PLEKHA6: variants seen among roughly 807,000 people sequenced by gnomAD.
PLEKHA6 encodes pleckstrin homology domain-containing family A member 6.
A neutral mutation model predicts 116.7 loss-of-function variants in PLEKHA6; 60 were observed. The observed-to-expected ratio is 0.51, with a 90% CI of 0.42 to 0.64. PLEKHA6 has a LOEUF of 0.64. PLEKHA6 is among the 30% of genes least tolerant of loss of function. The pLI is 0.00. For missense variants in PLEKHA6, 1,338 were observed against 1,422.7 expected (o/e 0.94, Z 0.96); for synonymous variants, 489 against 556.1 (o/e 0.88, Z 1.70).
At chr1:204,342,036 T>C (rs1217281356) in intron 1 of PLEKHA6, among the ~76,000 whole-genome samples, 1 of 151,840 alleles carries the variant, frequency 6.6e-6, no homozygotes, top group African/African-American at 2.4e-5. Context: ...AAATACAAAA[T>C]TAACCGTGTG....
Position 204,219,582 on chromosome 1 carries a change from G to C in PLEKHA6, c.*3206C>G, listed in dbSNP as rs949452680. 2 of 152,140 alleles carry C rather than the reference G, an allele frequency of 1.3e-5. No individual in the cohort carries two copies. Among genetic ancestry groups the C allele is most frequent in the Non-Finnish European group, 2.9e-5 (2 of 68,024 alleles). The allele number at this position is 152,140 out of a possible 1,614,324, so 9.4% of individuals were successfully genotyped here. A position where few individuals can be genotyped will look rare whatever the true frequency, so the allele number is the denominator to read the frequency against. On this transcript the variant is annotated 3_prime_UTR_variant, in exon 23 of 23. Transcript: ENST00000272203. ...TCTGGGCTCTGTTCATTCAGAGCAG[G>C]ATGTTCTAGGCTGGCGACAGGGTGT...
Position 204,238,960 on chromosome 1 carries a change from A to G in PLEKHA6, c.2409+2415T>C, listed in dbSNP as rs1188207598. Among the ~76,000 whole-genome samples, 1 of 152,228 alleles carries G rather than the reference A, an allele frequency of 6.6e-6. No individual in the cohort carries two copies. The highest frequency in any genetic ancestry group is 1.5e-5 in the Non-Finnish European group (1 of 68,038). ...TATACTGATTCATGGGCTGTAGCCA[A>G]TGGTTTGGCTGGATGGTCAGGGACT... On this transcript the variant is annotated intron_variant, in intron 17 of 22. Transcript: ENST00000272203. The surrounding 1 kb of genome is among the most constrained non-coding windows in gnomAD (Gnocchi z 4.2).
Position 204,244,964 on chromosome 1 carries a change from G to C in PLEKHA6, c.2072C>G (p.Pro691Arg). 1 of 1,468,068 alleles carries C rather than the reference G, an allele frequency of 6.8e-7. No homozygotes were observed. The highest frequency in any genetic ancestry group is 9.0e-7 in the Non-Finnish European group (1 of 1,108,096). 90.9% of individuals were successfully genotyped at this position (1,468,068 alleles called of 1,614,324 possible). Residue 691 changes from proline (P) to arginine (R), a missense_variant, in exon 15 of 23, where the codon CCG (proline) becomes CGG (arginine). Pro to Arg is a moderately radical substitution (Grantham distance 103). Transcript: ENST00000272203. ...GCTGGCAGAGCTGAGGGGGCTGGCC[G>C]GGCTGTTGGAGCTGTAGGTGGCTGA... ...GPSATYSSNS[P>R]ASPLSSASLT...
rs111542519 is a variant in PLEKHA6 at position 204,268,110 on chromosome 1, A to G, written c.207+98T>C. ...ATTCACAGAGACAGCAGGGGGACATACCAAAAAAATACACAGCCTGTCATA... is the reference window on the plus strand; with the variant it reads ...ATTCACAGAGACAGCAGGGGGACATGCCAAAAAAATACACAGCCTGTCATA... On this transcript the variant is annotated intron_variant, in intron 4 of 22. Transcript: ENST00000272203. 2,616 of 698,842 alleles carry G rather than the reference A, an allele frequency of 3.7e-3. 48 individuals carry two copies. The African/African-American group carries it at 0.043, about 11-fold the overall frequency. 43.3% of individuals were successfully genotyped at this position (698,842 alleles called of 1,614,324 possible). A position where few individuals can be genotyped will look rare whatever the true frequency, so the allele number is the denominator to read the frequency against.
intron 1 of PLEKHA6, among the ~76,000 whole-genome samples, chr1:204,358,856 A>C (rs1230505725): frequency 6.6e-6 from 1 of 151,482 alleles, no homozygotes; most frequent in African/African-American, 2.4e-5. Context: ...TGTTGTCTCA[A>C]AGAGCATTTC....
intron 3 of PLEKHA6, among the ~76,000 whole-genome samples, chr1:204,271,234 C>T (rs187664654): frequency 5.1e-4 from 78 of 152,176 alleles, no homozygotes; most frequent in African/African-American, 1.7e-3. Context: ...GATTGGACAC[C>T]CCTTGCCTAA....
At chr1:204,274,280 T>C (rs944577703) in intron 2 of PLEKHA6, among the ~76,000 whole-genome samples, 1 of 152,176 alleles carries the variant, frequency 6.6e-6, no homozygotes, top group African/African-American at 2.4e-5. Flanking sequence ...AGAAATCCTT[T>C]CCTTCTACTT....
chr1:204,323,220 C>T (rs56050747), intron 1 of PLEKHA6, among the ~76,000 whole-genome samples: 3 of 152,230 alleles, frequency 2.0e-5, no homozygotes, highest in Admixed American at 1.3e-4. Context: ...CTGGGGGAGG[C>T]CCCCCTCTGC....
chr1:204,237,900 A>G (rs890988699), intron 17 of PLEKHA6, among the ~76,000 whole-genome samples: 1 of 152,240 alleles, frequency 6.6e-6, no homozygotes, highest in African/African-American at 2.4e-5. Context: ...CTTATTGACA[A>G]GACATTTGCA....
chr1:204,282,167 G>C (rs1361707646), intron 1 of PLEKHA6, among the ~76,000 whole-genome samples: 1 of 152,094 alleles, frequency 6.6e-6, no homozygotes, highest in Non-Finnish European at 1.5e-5. Context: ...GGCCTAAGAT[G>C]GCAGACTGAG....
rs140743946 is a variant in PLEKHA6 at position 204,286,364 on chromosome 1, C to T, written c.-94-11555G>A. On this transcript the variant is annotated intron_variant, in intron 1 of 22. Coordinates refer to ENST00000272203, the MANE Select transcript of PLEKHA6 (RefSeq NM_014935.5). Reference sequence around the variant, plus strand: ...CACCCCTGTCCTGCCACGCAGCAGCCGTGAAGAAAGACTGGGCATGGAGGC... The same window carrying T: ...CACCCCTGTCCTGCCACGCAGCAGCTGTGAAGAAAGACTGGGCATGGAGGC... Among the ~76,000 whole-genome samples the T allele has an allele frequency of 8.6e-5, 13 of 151,880 alleles. No individual in the cohort carries two copies. The East Asian group carries it at 9.7e-4, about 11-fold the overall frequency.
At position 204,250,595 on chromosome 1, in the gene PLEKHA6, A is replaced by T. The variant is rs1353876692; in HGVS notation, c.1544T>A (p.Val515Glu). ...SSPKVPPYPE[V>E]FRDSLHTYKL... ...GTAGGTGTGGAGGCTGTCCCGGAAC[A>T]CTTCTGGGTATGGAGGGACCTGCAG... Residue 515 changes from valine (V) to glutamate (E), a missense_variant, in exon 10 of 23, where the codon GTG becomes GAG. Physicochemically the swap from Val to Glu is moderately radical, Grantham distance 121. Coordinates refer to ENST00000272203, the MANE Select transcript of PLEKHA6 (RefSeq NM_014935.5). 2.5e-6 allele frequency: 4 copies of T among 1,612,766 alleles called. No homozygotes were observed. Among genetic ancestry groups the T allele is most frequent in the Non-Finnish European group, 3.4e-6 (4 of 1,179,462 alleles).
intron 3 of PLEKHA6, among the ~76,000 whole-genome samples, chr1:204,366,499 G>A (rs926254651): frequency 2.0e-5 from 3 of 152,066 alleles, no homozygotes; most frequent in Admixed American, 6.5e-5. Flanking sequence ...GGTGGCTCAC[G>A]CCTGTAATCC....
At chr1:204,320,755 C>T (rs1166922906) in intron 1 of PLEKHA6, among the ~76,000 whole-genome samples, 1 of 152,198 alleles carries the variant, frequency 6.6e-6, no homozygotes, top group East Asian at 1.9e-4. Context: ...CTGGGCTGGC[C>T]TGCAGCACTC....
chr1:204,318,892 C>T (rs554745018), intron 1 of PLEKHA6, among the ~76,000 whole-genome samples: 1 of 152,270 alleles, frequency 6.6e-6, no homozygotes, highest in African/African-American at 2.4e-5. Flanking sequence ...CTCTGACTTG[C>T]CAGAGGCCAC....
chr1:204,287,550 G>A (rs542914451), intron 1 of PLEKHA6, among the ~76,000 whole-genome samples: 1 of 152,222 alleles, frequency 6.6e-6, no homozygotes, highest in African/African-American at 2.4e-5. Context: ...AATGAGTGAA[G>A]AGTTCTCCCC....
chr1:204,273,671 G>C lies in PLEKHA6; in HGVS notation c.57C>G (p.Asn19Lys), dbSNP rs201673514. ...GAGGGACCTCGGACACCATGTTGTG[G>C]TTGGGTATGTCACTGTTGGTGGTAG... The part of the protein sequence containing the change: ...RPATTNSDIP[N>K]HNMVSEVPPE... Residue 19 changes from asparagine to lysine, a missense_variant, in exon 3 of 23, where the codon AAC becomes AAG. Asn to Lys is a moderately conservative substitution (Grantham distance 94, BLOSUM62 0). Coordinates refer to ENST00000272203, the MANE Select transcript of PLEKHA6 (RefSeq NM_014935.5). 6.2e-6 allele frequency: 10 copies of C among 1,614,178 alleles called. No individual in the cohort carries two copies. In the East Asian group the frequency reaches 2.2e-4, roughly 36 times the overall value.
At chr1:204,305,388 C>A (rs7527089) in intron 1 of PLEKHA6, among the ~76,000 whole-genome samples, 8,215 of 152,228 alleles carry the variant, frequency 0.054, 360 homozygotes, top group African/African-American at 0.13. Flanking sequence ...TGCTGACTAA[C>A]CATAGCAGCA....
intron 5 of PLEKHA6, among the ~76,000 whole-genome samples, chr1:204,266,579 C>T (rs1231212438): frequency 6.6e-6 from 1 of 152,194 alleles, no homozygotes; most frequent in Non-Finnish European, 1.5e-5. Flanking sequence ...TATGCTCAGC[C>T]CCTTCCTGAT....
Sources: gnomAD v4.1 joint callset for allele counts (sites outside exome capture counted in the v4.1 genomes callset) on GRCh38, gnomAD v4.1.1 for gene constraint, Gnocchi (gnomAD v3.1) non-coding constraint, MANE v1.5 for transcripts, NCBI Gene and HGNC (gene_info 2026-07-23, HGNC 2026-07-21) for gene names.